Variants in PPWD1 observed in about 807,000 individuals in gnomAD.
PPWD1 encodes peptidylprolyl isomerase domain and WD repeat-containing protein 1.
A neutral mutation model predicts 68.8 loss-of-function variants in PPWD1; 43 were observed. The ratio of observed to expected loss-of-function variants is 0.62; its 90% CI spans 0.49 to 0.81. PPWD1 has a LOEUF of 0.81. PPWD1 is among the 30% of genes least tolerant of loss of function. The pLI, the probability that PPWD1 is intolerant of heterozygous loss-of-function variation, is 0.00. For missense variants in PPWD1, 672 were observed against 804.8 expected (o/e 0.83, Z 2.00); for synonymous variants, 232 against 258.7 (o/e 0.90, Z 0.99).
In PPWD1 at chr5:65,563,329, A is replaced by G. The variant is rs766536556; in HGVS notation, c.19A>G (p.Ser7Gly). 3.7e-6 allele frequency: 6 copies of G among 1,613,388 alleles called. No homozygotes were observed. Among genetic ancestry groups the G allele is most frequent in the African/African-American group, 1.3e-5 (1 of 74,836 alleles). Residue 7 changes from serine (S) to glycine (G), a missense_variant, in exon 1 of 11, where the codon AGC becomes GGC. By Grantham distance (56) the Ser-to-Gly change is moderately conservative. Transcript: ENST00000261308. ...GAACAACATGGCGGCGGAAAGTGGTAGCGATTTTCAGCAGAGACGTAGAAG... is the reference window on the plus strand; with the variant it reads ...GAACAACATGGCGGCGGAAAGTGGTGGCGATTTTCAGCAGAGACGTAGAAG... MAAESG[S>G]DFQQRRRRRR...
chr5:65,566,973 A>T (rs1236175143), intron 1 of PPWD1, among the ~76,000 whole-genome samples: 1 of 151,946 alleles, frequency 6.6e-6, no homozygotes, highest in African/African-American at 2.4e-5. Context: ...ACTCCCTAGG[A>T]TGTTCTCAGG....
At chr5:65,573,516 G>GTTTGTTTTTTTTTTTTTT (rs1753122949) in intron 5 of PPWD1, among the ~76,000 whole-genome samples, 1 of 15,436 alleles carries the variant, frequency 6.5e-5, no homozygotes, top group African/African-American at 2.3e-4. Flanking sequence ...AGTACAGATG[G>GTTTGTTTTTTTTTTTTTT]TTTTTTTTTT....
chr5:65,586,485 T>G (rs1456473653), intron 10 of PPWD1, among the ~76,000 whole-genome samples: 3 of 152,192 alleles, frequency 2.0e-5, no homozygotes, highest in Non-Finnish European at 4.4e-5. Flanking sequence ...TCTGTGAGCC[T>G]ATTTCCTTGT....
intron 4 of PPWD1, among the ~76,000 whole-genome samples, chr5:65,570,722 C>G (rs1752973136): frequency 1.3e-5 from 2 of 152,022 alleles, no homozygotes; most frequent in Non-Finnish European, 2.9e-5. Context: ...TCCCTATGTT[C>G]TCCCATGGTT....
At chr5:65,582,931 G>A in intron 7 of PPWD1, 107 bp from the exon 8 acceptor site, 1 of 1,349,092 alleles carries the variant, frequency 7.4e-7, no homozygotes, top group Non-Finnish European at 9.8e-7. Context: ...ATTCTGATGT[G>A]AATTCTTACA....
At chr5:65,577,126 T>TG in intron 6 of PPWD1, 57 bp downstream of exon 6, 3 of 1,550,392 alleles carry the variant, frequency 1.9e-6, no homozygotes, top group Non-Finnish European at 2.6e-6. Flanking sequence ...GACCATTTCC[T>TG]CCATCATGGG....
At position 65,563,346 on chromosome 5, in the gene PPWD1, A is replaced by G; in HGVS notation, c.36A>G (p.Arg12=). 1.2e-6 allele frequency: 2 copies of G among 1,614,004 alleles called. No homozygotes were observed. The highest frequency in any genetic ancestry group is 2.2e-5 in the East Asian group (1 of 44,852). Reference sequence around the variant, plus strand: ...AAAGTGGTAGCGATTTTCAGCAGAGACGTAGAAGGCGCCGGGACCCGGAGG... The same window carrying G: ...AAAGTGGTAGCGATTTTCAGCAGAGGCGTAGAAGGCGCCGGGACCCGGAGG... ...AAESGSDFQQ[R]RRRRRDPEEP... is the part of the protein sequence containing the mutation. The change falls in exon 1 of 11, where the codon AGA becomes AGG. Residue 12 remains arginine, a synonymous_variant. Coordinates refer to ENST00000261308, the MANE Select transcript of PPWD1 (RefSeq NM_015342.4).
At chr5:65,584,877 T>TG in intron 8 of PPWD1, 137 bp from the exon 9 acceptor site, 1 of 714,270 alleles carries the variant, frequency 1.4e-6, no homozygotes, top group Non-Finnish European at 2.0e-6. Context: ...TTAGAGATTA[T>TG]GAAAAAAAAA....
At chr5:65,586,653 T>TA (rs1305626840) in intron 10 of PPWD1, among the ~76,000 whole-genome samples, 1 of 152,154 alleles carries the variant, frequency 6.6e-6, no homozygotes, top group Non-Finnish European at 1.5e-5. Flanking sequence ...TTATAAAAAT[T>TA]ACCTAGTTTT....
chr5:65,567,869 C>A, intron 2 of PPWD1: 1 of 482,402 alleles, frequency 2.1e-6, no homozygotes, highest in Non-Finnish European at 3.0e-6. Flanking sequence ...AGTGTCTGAG[C>A]TTCCCTGAAG....
chr5:65,563,498 A>T lies in PPWD1; in HGVS notation c.188A>T (p.Lys63Met), dbSNP rs770914084. Residue 63 changes from lysine to methionine, a missense_variant, in exon 1 of 11, where the codon AAG (lysine) becomes ATG (methionine). Coordinates refer to ENST00000261308, the MANE Select transcript of PPWD1 (RefSeq NM_015342.4). ...CCTGTGGAGGCAACACTGGCCAAGA[A>T]GAGGAAAGGTAGCTGCAGACATAGT... ...PLPVEATLAK[K>M]RKVLEFERVY... The T allele has an allele frequency of 6.2e-7, 1 of 1,612,314 alleles. No homozygotes were observed. The highest frequency in any genetic ancestry group is 8.5e-7 in the Non-Finnish European group (1 of 1,179,360).
intron 1 of PPWD1, among the ~76,000 whole-genome samples, chr5:65,566,346 C>A (rs1752755874): frequency 6.6e-6 from 1 of 152,190 alleles, no homozygotes. Context: ...ATCTTCATTT[C>A]TCTGAATGAT....
At chr5:65,567,419 G>A in intron 1 of PPWD1, 94 bp from the exon 2 acceptor site, 4 of 1,379,296 alleles carry the variant, frequency 2.9e-6, no homozygotes, top group Non-Finnish European at 3.8e-6. Flanking sequence ...AAAATACCAA[G>A]TAGAGTGTAG....
intron 4 of PPWD1, among the ~76,000 whole-genome samples, chr5:65,571,193 T>C (rs1389611316): frequency 1.3e-5 from 2 of 152,126 alleles, no homozygotes; most frequent in Admixed American, 1.3e-4. Context: ...ATCAGCACCG[T>C]GGTTAGAATA....
intron 8 of PPWD1, among the ~76,000 whole-genome samples, chr5:65,584,226 T>C (rs550978681): frequency 6.6e-6 from 1 of 152,212 alleles, no homozygotes. Flanking sequence ...TCACTTTAAG[T>C]GCTCAAAACC....
intron 2 of PPWD1, among the ~76,000 whole-genome samples, chr5:65,568,302 T>C (rs913473133): frequency 6.6e-6 from 1 of 152,196 alleles, no homozygotes; most frequent in African/African-American, 2.4e-5. Context: ...CTTTTTCTTT[T>C]TTTATCTATC....
intron 9 of PPWD1, 83 bp downstream of exon 9, chr5:65,585,178 C>G (rs887298416): frequency 2.6e-5 from 35 of 1,340,284 alleles, no homozygotes; most frequent in Non-Finnish European, 3.4e-5. Context: ...ATCTTCTTCT[C>G]TCACACTTAA....
At chr5:65,566,558 G>T (rs556545623) in intron 1 of PPWD1, among the ~76,000 whole-genome samples, 124 of 152,254 alleles carry the variant, frequency 8.1e-4, no homozygotes, top group Non-Finnish European at 1.5e-3. Context: ...TGGGGGTTCT[G>T]TTCCTAAAAA....
In PPWD1 at chr5:65,571,861, T is replaced by C; in HGVS notation, c.544T>C (p.Trp182Arg). The C allele has an allele frequency of 6.2e-7, 1 of 1,613,858 alleles. No homozygotes were observed. Among genetic ancestry groups the C allele is most frequent in the Middle Eastern group, 1.6e-4 (1 of 6,062 alleles). Residue 182 changes from tryptophan (W) to arginine (R), a missense_variant, in exon 5 of 11, where the codon TGG (tryptophan) becomes CGG (arginine). Physicochemically the swap from Trp to Arg is moderately radical, Grantham distance 101. This residue lies in a region of PPWD1 where 484 missense variants were observed against 646.2 expected (regional missense o/e 0.75). Coordinates refer to ENST00000261308, the MANE Select transcript of PPWD1 (RefSeq NM_015342.4). The stretch of plus-strand genomic sequence containing the variant: ...TAGCTATTTTCCTGGACAGTGTGAG[T>C]GGATCTATTGCCCAGGGGATGCAAT... ...KLGYFPGQCEWIYCPGDAISS... is the reference protein window; with the variant it reads ...KLGYFPGQCERIYCPGDAISS...
Sources: gnomAD v4.1 joint callset for allele counts (sites outside exome capture counted in the v4.1 genomes callset) on GRCh38, gnomAD v4.1.1 for gene constraint, gnomAD v4.1.1 regional missense constraint, MANE v1.5 for transcripts, NCBI Gene and HGNC (gene_info 2026-07-23, HGNC 2026-07-21) for gene names.